The following CFAP58 variants were observed in gnomAD, a reference collection of about 807,000 sequenced individuals.
The protein encoded by CFAP58 is cilia- and flagella-associated protein 58.
A neutral mutation model predicts 119.5 loss-of-function variants in CFAP58; 88 were observed. The observed-to-expected ratio is 0.74, with a 90% CI of 0.62 to 0.88. The LOEUF (loss-of-function observed/expected upper bound fraction) is 0.88, where lower values mean the gene tolerates loss of function less well. CFAP58 is among the 40% of genes least tolerant of loss of function. CFAP58 has a pLI of 0.00. For synonymous variants in CFAP58, 365 were observed against 366.3 expected (o/e 1.00, Z 0.04); for missense variants, 990 against 1,021.2 (o/e 0.97, Z 0.42).
intron 15 of CFAP58, among the ~76,000 whole-genome samples, chr10:104,443,360 G>A (rs1403090829): frequency 6.6e-6 from 1 of 152,198 alleles, no homozygotes; most frequent in Non-Finnish European, 1.5e-5. Context: ...AAGCATCTGA[G>A]TGGGTAGCTT....
At chr10:104,386,385 A>AT (rs2011925180) in intron 9 of CFAP58, among the ~76,000 whole-genome samples, 7 of 149,782 alleles carry the variant, frequency 4.7e-5, no homozygotes, top group African/African-American at 9.9e-5. Flanking sequence ...CTCAAAAAAA[A>AT]AAAAATAAAT....
intron 15 of CFAP58, among the ~76,000 whole-genome samples, chr10:104,416,082 T>C (rs1464547647): frequency 6.6e-6 from 1 of 152,146 alleles, no homozygotes; most frequent in Non-Finnish European, 1.5e-5. Context: ...AAACTTGACC[T>C]CCTAGACTGA....
At chr10:104,415,176 T>A (rs747418719) in intron 15 of CFAP58, among the ~76,000 whole-genome samples, 13 of 152,006 alleles carry the variant, frequency 8.6e-5, no homozygotes, top group Non-Finnish European at 1.9e-4. Context: ...GTGTCTCAGT[T>A]TGGGTCTCTT....
chr10:104,448,419 G>T (rs942454449), intron 16 of CFAP58, among the ~76,000 whole-genome samples: 1 of 152,210 alleles, frequency 6.6e-6, no homozygotes, highest in South Asian at 2.1e-4. Flanking sequence ...ACTTTTCTAT[G>T]TGCCTTTTGA....
chr10:104,345,430 A>T, the CFAP58 span, among the ~76,000 whole-genome samples: 3 of 152,066 alleles, frequency 2.0e-5, no homozygotes, highest in Non-Finnish European at 4.4e-5. Flanking sequence ...TAGAATCTTA[A>T]ATGTTCGTGT....
intron 15 of CFAP58, among the ~76,000 whole-genome samples, chr10:104,426,537 CAAAACAAAACAA>C (rs2012749251): frequency 1.3e-5 from 2 of 151,032 alleles, no homozygotes; most frequent in South Asian, 4.2e-4. Flanking sequence ...AGGCTGAAAA[CAAAACAAAACAA>C]AAAACAAAAC....
intron 11 of CFAP58, among the ~76,000 whole-genome samples, chr10:104,397,779 C>A (rs1371735780): frequency 6.6e-6 from 1 of 152,180 alleles, no homozygotes; most frequent in Non-Finnish European, 1.5e-5. Flanking sequence ...TTGTTCTGAC[C>A]TGGTCTGTGA....
At chr10:104,339,530 G>A in the CFAP58 span, among the ~76,000 whole-genome samples, 90 of 152,300 alleles carry the variant, frequency 5.9e-4, 1 homozygote, top group East Asian at 0.015. Context: ...AGGCACATTG[G>A]GGAAATTGGA....
At position 104,371,071 on chromosome 10, in the gene CFAP58, T is replaced by C; in HGVS notation, c.1090+17T>C. 2 of 1,588,810 alleles carry C rather than the reference T, an allele frequency of 1.3e-6. No homozygotes were observed. The highest frequency in any genetic ancestry group is 1.7e-6 in the Non-Finnish European group (2 of 1,171,032). ...TAGAGAGAGGTAAACCATTTTGCGCTTTTATTCATTTAGAAACATTTTATT... is the reference window on the plus strand; with the variant it reads ...TAGAGAGAGGTAAACCATTTTGCGCCTTTATTCATTTAGAAACATTTTATT... On this transcript the variant is annotated intron_variant, in intron 7 of 17. Coordinates refer to ENST00000369704, the MANE Select transcript of CFAP58 (RefSeq NM_001008723.2).
At chr10:104,396,090 A>G (rs1456961546) in intron 11 of CFAP58, among the ~76,000 whole-genome samples, 3 of 152,286 alleles carry the variant, frequency 2.0e-5, no homozygotes, top group African/African-American at 7.2e-5. Flanking sequence ...CTGTGTCTGC[A>G]TTCATCTGCC....
At chr10:104,414,759 TC>T (rs1323506136) in intron 15 of CFAP58, among the ~76,000 whole-genome samples, 1 of 152,164 alleles carries the variant, frequency 6.6e-6, no homozygotes, top group Non-Finnish European at 1.5e-5. Context: ...AAGCTCCGCC[TC>T]CCGGGTTCAC....
chr10:104,435,915 C>T (rs1053433857), intron 15 of CFAP58, among the ~76,000 whole-genome samples: 17 of 152,134 alleles, frequency 1.1e-4, no homozygotes, highest in African/African-American at 3.1e-4. Flanking sequence ...CTGCTCCTTC[C>T]CTGGCATGGG....
At chr10:104,345,460 C>T in the CFAP58 span, among the ~76,000 whole-genome samples, 2 of 152,046 alleles carry the variant, frequency 1.3e-5, no homozygotes, top group African/African-American at 2.4e-5. Context: ...TTTCACCTTC[C>T]TTTAGTCACT....
At chr10:104,442,277 T>C (rs191244386) in intron 15 of CFAP58, among the ~76,000 whole-genome samples, 109 of 152,220 alleles carry the variant, frequency 7.2e-4, no homozygotes, top group African/African-American at 2.5e-3. Flanking sequence ...CATTATTTAG[T>C]TGAGGAATGT....
At position 104,403,352 on chromosome 10, in the gene CFAP58, C is replaced by T. The variant is rs139322879; in HGVS notation, c.2040-377C>T. ...CTCCAGCCATGTGGAACTGTGAGTCCATTAAACCTCTTTCCTTTATAAATT... is the reference window on the plus strand; with the variant it reads ...CTCCAGCCATGTGGAACTGTGAGTCTATTAAACCTCTTTCCTTTATAAATT... On this transcript the variant is annotated intron_variant, in intron 13 of 17. Coordinates refer to ENST00000369704, the MANE Select transcript of CFAP58 (RefSeq NM_001008723.2). 8.4e-3 allele frequency among the ~76,000 whole-genome samples: 1,272 copies of T among 152,192 alleles called. 20 individuals are homozygous for T. Among genetic ancestry groups the T allele is most frequent in the African/African-American group, 0.029 (1,214 of 41,518 alleles).
chr10:104,354,049 CT>C, intron 1 of CFAP58, 143 bp downstream of exon 1: 1 of 1,042,530 alleles, frequency 9.6e-7, no homozygotes. Context: ...ACTCCCGCGC[CT>C]TTCTCCGTTG....
chr10:104,372,002 T>C (rs1318838533), intron 7 of CFAP58, among the ~76,000 whole-genome samples: 3 of 152,186 alleles, frequency 2.0e-5, no homozygotes, highest in East Asian at 3.9e-4. Context: ...TTAGGTACAA[T>C]CTAAATCTCT....
intron 15 of CFAP58, among the ~76,000 whole-genome samples, chr10:104,421,543 C>T (rs1367001004): frequency 6.6e-6 from 1 of 152,186 alleles, no homozygotes; most frequent in East Asian, 1.9e-4. Flanking sequence ...TCTGCTCTTT[C>T]TGGTCATCTA....
rs1474029417 is a variant in CFAP58, at chr10:104,354,009, T to C, written c.9+103T>C. 4 of 1,427,796 alleles carry C rather than the reference T, an allele frequency of 2.8e-6. No individual in the cohort carries two copies. The Admixed American group carries it at 5.2e-5, about 18-fold the overall frequency. 88.4% of individuals were successfully genotyped at this position (1,427,796 alleles called of 1,614,324 possible). On this transcript the variant is annotated intron_variant, in intron 1 of 17. Coordinates refer to ENST00000369704, the MANE Select transcript of CFAP58 (RefSeq NM_001008723.2). ...ACGGTGATTCCAATATTTCCCCCCA[T>C]CAACATCTTATTCCCCTGCACCCTC...
Sources: gnomAD v4.1 joint callset for allele counts (sites outside exome capture counted in the v4.1 genomes callset) on GRCh38, gnomAD v4.1.1 for gene constraint, MANE v1.5 for transcripts, NCBI Gene and HGNC (gene_info 2026-07-23, HGNC 2026-07-21) for gene names.